The following VGLL2 variants were observed in gnomAD, a reference collection of about 807,000 sequenced individuals.
VGLL2 encodes vestigial like family member 2.
Under a neutral mutation model 27.0 loss-of-function variants are expected in VGLL2, and 18 were observed. The ratio of observed to expected loss-of-function variants is 0.67; its 90% CI spans 0.46 to 0.99. VGLL2 has a LOEUF of 0.99. VGLL2 is among the 50% of genes least tolerant of loss of function. The probability of loss-of-function intolerance (pLI) is 0.00; values close to 1 mark genes in which losing one functional copy is unlikely to be tolerated. For synonymous variants in VGLL2, 220 were observed against 201.1 expected (o/e 1.09, Z -0.80); for missense variants, 491 against 452.3 (o/e 1.09, Z -0.78).
rs752956500 is a variant in VGLL2, at chr6:117,270,745, C to T, written c.594C>T (p.His198=). ...QGATEPWHHA[H]PHHAHPHHPY... ...CCACGGAGCCCTGGCACCACGCGCA[C>T]CCGCACCACGCGCACCCGCATCACC... The change falls in exon 3 of 4, where the codon CAC becomes CAT. Residue 198 remains histidine (H), a synonymous_variant. Coordinates refer to ENST00000326274, the MANE Select transcript of VGLL2 (RefSeq NM_182645.3). 50 of 1,512,288 alleles carry T rather than the reference C, an allele frequency of 3.3e-5. No homozygotes were observed. The highest frequency in any genetic ancestry group is 4.2e-5 in the Non-Finnish European group (48 of 1,140,294). The allele number at this position is 1,512,288 out of a possible 1,614,324, so 93.7% of individuals were successfully genotyped here. A position where few individuals can be genotyped will look rare whatever the true frequency, so the allele number is the denominator to read the frequency against.
At chr6:117,268,641 AG>A (rs1261595781) in intron 2 of VGLL2, 150 bp downstream of exon 2, 1 of 842,686 alleles carries the variant, frequency 1.2e-6, no homozygotes, top group African/African-American at 1.7e-5. Context: ...AGGAAAACGC[AG>A]GGGTAAAGGG....
chr6:117,272,399 G>A, intron 3 of VGLL2, 55 bp from the exon 4 acceptor site: 3 of 1,614,010 alleles, frequency 1.9e-6, no homozygotes, highest in South Asian at 2.2e-5. Flanking sequence ...GCAATTGATG[G>A]CACTCAGAGC....
At chr6:117,268,588 TAGGTGTCAGAGA>T (rs1773120087) in intron 2 of VGLL2, 97 bp downstream of exon 2, 1 of 1,304,944 alleles carries the variant, frequency 7.7e-7, no homozygotes, top group African/African-American at 1.5e-5. Flanking sequence ...AAAAGAATAT[TAGGTGTCAGAGA>T]AGGTGTGCAG....
intron 1 of VGLL2, 86 bp from the exon 2 acceptor site, chr6:117,268,096 T>C (rs1773105080): frequency 1.5e-6 from 2 of 1,364,000 alleles, no homozygotes; most frequent in African/African-American, 1.5e-5. Flanking sequence ...ATAAATACCT[T>C]AGAGATTAGG....
chr6:117,268,392 G>T lies in VGLL2; in HGVS notation c.292G>T (p.Val98Leu). 1.2e-6 allele frequency: 2 copies of T among 1,614,044 alleles called. No individual in the cohort carries two copies. Among genetic ancestry groups the T allele is most frequent in the Non-Finnish European group, 1.7e-6 (2 of 1,180,024 alleles). ...TTATTTCCAGGGGGACATCAGCTCC[G>T]TGGTGGATGAACATTTCAGCAGGGC... ...FTYFQGDISS[V>L]VDEHFSRALS... The change falls in exon 2 of 4, where the codon GTG becomes TTG. Residue 98 changes from valine (V) to leucine (L), a missense_variant. By Grantham distance (32) the Val-to-Leu change is conservative. Coordinates refer to ENST00000326274, the MANE Select transcript of VGLL2 (RefSeq NM_182645.3).
At chr6:117,268,557 G>A (rs892760139) in intron 2 of VGLL2, 66 bp downstream of exon 2, 9 of 1,451,610 alleles carry the variant, frequency 6.2e-6, no homozygotes, top group Non-Finnish European at 8.2e-6. Flanking sequence ...TCACCTACAG[G>A]AGCCTAAAAA....
rs915205017 is a variant in VGLL2 at position 117,271,048 on chromosome 6, C to T, written c.897C>T (p.Gly299=). 2.0e-5 allele frequency: 25 copies of T among 1,228,580 alleles called. No homozygotes were observed. Among genetic ancestry groups the T allele is most frequent in the Non-Finnish European group, 2.5e-5 (25 of 987,186 alleles). 76.1% of individuals were successfully genotyped at this position (1,228,580 alleles called of 1,614,324 possible). A position where few individuals can be genotyped will look rare whatever the true frequency, so the allele number is the denominator to read the frequency against. Residue 299 remains glycine (G), a synonymous_variant, in exon 3 of 4, where the codon GGC becomes GGT. Coordinates refer to ENST00000326274, the MANE Select transcript of VGLL2 (RefSeq NM_182645.3). ...SPSGDVAQGL[G]LSVDSARRYS... is the part of the protein sequence containing the mutation. Reference sequence around the variant, plus strand: ...CGGGGGACGTGGCCCAGGGTCTGGGCCTCAGCGTGGACTCAGGTAAGCAGA... The same window carrying T: ...CGGGGGACGTGGCCCAGGGTCTGGGTCTCAGCGTGGACTCAGGTAAGCAGA...
chr6:117,272,644 C>G lies in VGLL2; in HGVS notation c.*150C>G. On this transcript the variant is annotated 3_prime_UTR_variant, in exon 4 of 4. Transcript: ENST00000326274. ...TTGGGAAAACCAAAAACCACAACTA[C>G]AGAAATTCATCTAAAAATAAGTCCT... 1 of 1,069,712 alleles carries G rather than the reference C, an allele frequency of 9.3e-7. No homozygotes were observed. Among genetic ancestry groups the G allele is most frequent in the Middle Eastern group, 3.1e-4 (1 of 3,196 alleles). 66.3% of individuals were successfully genotyped at this position (1,069,712 alleles called of 1,614,324 possible).
chr6:117,270,852 A>T lies in VGLL2; in HGVS notation c.701A>T (p.His234Leu). 7.1e-7 allele frequency: 1 copy of T among 1,412,318 alleles called. No homozygotes were observed. The highest frequency in any genetic ancestry group is 9.2e-7 in the Non-Finnish European group (1 of 1,082,822). 87.5% of individuals were successfully genotyped at this position (1,412,318 alleles called of 1,614,324 possible). A position where few individuals can be genotyped will look rare whatever the true frequency, so the allele number is the denominator to read the frequency against. ...GCCGTGCACGAAGTCTACGCGCCGCACTTCGACCCGCGCTATGGGCCGCTG... is the reference window on the plus strand; with the variant it reads ...GCCGTGCACGAAGTCTACGCGCCGCTCTTCGACCCGCGCTATGGGCCGCTG... ...PAAVHEVYAP[H>L]FDPRYGPLLM... Residue 234 changes from histidine (H) to leucine (L), a missense_variant, in exon 3 of 4, where the codon CAC becomes CTC. By Grantham distance (99) the His-to-Leu change is moderately conservative. Transcript: ENST00000326274.
At chr6:117,267,441 C>T (rs750035787) in intron 1 of VGLL2, among the ~76,000 whole-genome samples, 18 of 152,032 alleles carry the variant, frequency 1.2e-4, no homozygotes, top group African/African-American at 2.9e-4. Flanking sequence ...TGGAAATACT[C>T]GTAATCCACT....
intron 1 of VGLL2, 95 bp downstream of exon 1, chr6:117,265,939 T>A: frequency 8.3e-7 from 1 of 1,197,646 alleles, no homozygotes; most frequent in Non-Finnish European, 1.2e-6. Flanking sequence ...CCTCCGCGCG[T>A]CTCGGGCGTC....
rs890887106 is a variant in VGLL2, at chr6:117,265,610, C to T, written c.-154C>T. ...TAAAATCGCAGGAGTGGGAGGGTAG[C>T]GAGCCAGCTGGATTCCGAGCCGCGG... On this transcript the variant is annotated 5_prime_UTR_variant, in exon 1 of 4. Transcript: ENST00000326274. 5.6e-5 allele frequency: 37 copies of T among 664,068 alleles called. No individual in the cohort carries two copies. Among genetic ancestry groups the T allele is most frequent in the Non-Finnish European group, 9.7e-5 (36 of 372,186 alleles). 41.1% of individuals were successfully genotyped at this position (664,068 alleles called of 1,614,324 possible).
rs1291959710 is a variant in VGLL2, at chr6:117,273,297, C to G, written c.*803C>G. 1 of 152,212 alleles carries G rather than the reference C, an allele frequency of 6.6e-6. No individual in the cohort carries two copies. Among genetic ancestry groups the G allele is most frequent in the African/African-American group, 2.4e-5 (1 of 41,450 alleles). 9.4% of individuals were successfully genotyped at this position (152,212 alleles called of 1,614,324 possible). A position where few individuals can be genotyped will look rare whatever the true frequency, so the allele number is the denominator to read the frequency against. On this transcript the variant is annotated 3_prime_UTR_variant, in exon 4 of 4. Transcript: ENST00000326274. ...TTATGATGAAAGAAGAAACCCTTCTCTGCCTTCTCTCCCACGAATTCTGTC... is the reference window on the plus strand; with the variant it reads ...TTATGATGAAAGAAGAAACCCTTCTGTGCCTTCTCTCCCACGAATTCTGTC...
intron 1 of VGLL2, among the ~76,000 whole-genome samples, chr6:117,266,732 G>A (rs922285065): frequency 6.6e-6 from 1 of 152,192 alleles, no homozygotes; most frequent in Non-Finnish European, 1.5e-5. Flanking sequence ...GGCTGTAGGG[G>A]TCCCCTCCAG....
rs778552934 is a variant in VGLL2 at position 117,270,545 on chromosome 6, T to C, written c.394T>C (p.Cys132Arg). 6.3e-7 allele frequency: 1 copy of C among 1,595,900 alleles called. No individual in the cohort carries two copies. The highest frequency in any genetic ancestry group is 1.7e-5 in the Admixed American group (1 of 58,942). The stretch of plus-strand genomic sequence containing the variant: ...CCGCCTCCCCGGCCGGCCTACAGAC[T>C]GCTCCTTCCCGATGAGCCAGCGCAG... Reference protein sequence around the residue: ...APRSSGPWRDCSFPMSQRSFP... With the variant: ...APRSSGPWRDRSFPMSQRSFP... Residue 132 changes from cysteine (C) to arginine (R), a missense_variant and splice_region_variant, in exon 3 of 4, where the codon TGC (cysteine) becomes CGC (arginine). Physicochemically the swap from Cys to Arg is radical, Grantham distance 180. Transcript: ENST00000326274.
rs1406670247 is a variant in VGLL2 at position 117,270,595 on chromosome 6, C to T, written c.444C>T (p.Ser148=). The T allele has an allele frequency of 6.3e-7, 1 of 1,590,944 alleles. No individual in the cohort carries two copies. Among genetic ancestry groups the T allele is most frequent in the Middle Eastern group, 1.7e-4 (1 of 6,018 alleles). Residue 148 remains serine, a synonymous_variant, in exon 3 of 4, where the codon AGC becomes AGT. Coordinates refer to ENST00000326274, the MANE Select transcript of VGLL2 (RefSeq NM_182645.3). ...GCTTCCCCGCCTCCTTCTGGAATAG[C>T]GCGTACCAGGCGCCAGTGCCCCCGC... ...QRSFPASFWN[S]AYQAPVPPPL...
chr6:117,270,393 G>A lies in VGLL2; in HGVS notation c.392-150G>A. The A allele has an allele frequency of 5.0e-6, 5 of 1,005,564 alleles. No homozygotes were observed. In the South Asian group the frequency reaches 9.4e-5, roughly 19 times the overall value. The allele number at this position is 1,005,564 out of a possible 1,614,324, so 62.3% of individuals were successfully genotyped here. Reference sequence around the variant, plus strand: ...AAACGCCGCTGCAGAGGCGGGGGCTGCCCATCAGCCCCGGCCATGGCTAGC... The same window carrying A: ...AAACGCCGCTGCAGAGGCGGGGGCTACCCATCAGCCCCGGCCATGGCTAGC... On this transcript the variant is annotated intron_variant, in intron 2 of 3. Coordinates refer to ENST00000326274, the MANE Select transcript of VGLL2 (RefSeq NM_182645.3).
intron 2 of VGLL2, among the ~76,000 whole-genome samples, chr6:117,269,334 G>T (rs1177066887): frequency 1.3e-5 from 2 of 151,946 alleles, no homozygotes; most frequent in Non-Finnish European, 2.9e-5. Context: ...GGCTCACTAA[G>T]CTGTATTTGA....
At chr6:117,272,283 CTCTTT>C in intron 3 of VGLL2, 166 bp from the exon 4 acceptor site, 1 of 985,006 alleles carries the variant, frequency 1.0e-6, no homozygotes, top group Non-Finnish European at 1.2e-6. Context: ...CACCTCCTCT[CTCTTT>C]TATCTTCTCT....
Sources: allele counts gnomAD v4.1 joint callset (sites outside exome capture counted in the v4.1 genomes callset), GRCh38; gene constraint gnomAD v4.1.1; transcripts MANE v1.5; gene names NCBI Gene and HGNC (gene_info 2026-07-23, HGNC 2026-07-21).